OR3A2: variants seen among roughly 807,000 people sequenced by gnomAD.
OR3A2 encodes olfactory receptor family 3 subfamily A member 2, also known as olfactory receptor 3A2.
For missense variants in OR3A2, 318 were observed against 392.8 expected (o/e 0.81, Z 1.61); for synonymous variants, 126 against 159.3 (o/e 0.79, Z 1.57).
At chr17:3,382,639 G>A (rs2049747629) in intron 2 of OR3A2, among the ~76,000 whole-genome samples, 1 of 152,162 alleles carries the variant, frequency 6.6e-6, no homozygotes, top group African/African-American at 2.4e-5. Flanking sequence ...GGGAGGAAGA[G>A]GCCACATTTT....
chr17:3,338,453 G>A (rs1296678313), intron 2 of OR3A2, among the ~76,000 whole-genome samples: 7 of 152,158 alleles, frequency 4.6e-5, no homozygotes, highest in Admixed American at 3.9e-4. Context: ...TTTGTATAAA[G>A]TGTAAGGAAG....
rs770247541 is a variant in OR3A2 at position 3,292,358 on chromosome 17, C to T, written c.-84-13205G>A. The T allele has an allele frequency of 5.0e-6, 8 of 1,614,094 alleles. No individual in the cohort carries two copies. The South Asian group carries it at 8.8e-5, about 18-fold the overall frequency. ...TTGATGGAACAGTGACGCTGATGCA[C>T]CCAACATCCAGCACTGATAGGTTCC... On this transcript the variant is annotated intron_variant, in intron 3 of 4. Coordinates refer to the OR3A2 transcript ENST00000573491.
rs201439962 is a variant in OR3A2 at position 3,367,599 on chromosome 17, G to GTATA, written c.-179+16204_-179+16205insTATA. ...GGTGTATATGTATATGTGTGTGTGT[G>GTATA]TGTATATATATATATATATATATGC... On this transcript the variant is annotated intron_variant, in intron 2 of 4. Coordinates refer to the OR3A2 transcript ENST00000573491. 0.015 allele frequency among the ~76,000 whole-genome samples: 1,289 copies of GTATA among 85,910 alleles called. 36 individuals carry two copies. In the East Asian group the frequency reaches 0.15, roughly 10 times the overall value. 56.4% of individuals were successfully genotyped at this position (85,910 alleles called of 152,430 possible).
At chr17:3,343,105 C>T (rs1045922980) in intron 2 of OR3A2, among the ~76,000 whole-genome samples, 1 of 152,224 alleles carries the variant, frequency 6.6e-6, no homozygotes, top group Admixed American at 6.5e-5. Flanking sequence ...TTGCTAAGAC[C>T]TCTGGAAAAG....
chr17:3,375,885 C>T (rs1043421200), intron 2 of OR3A2, among the ~76,000 whole-genome samples: 1 of 152,116 alleles, frequency 6.6e-6, no homozygotes, highest in Non-Finnish European at 1.5e-5. Flanking sequence ...GTCTAGCCAC[C>T]CAGCAGGGAT....
At chr17:3,326,729 C>G (rs1418976741) in intron 3 of OR3A2, among the ~76,000 whole-genome samples, 17 of 128,926 alleles carry the variant, frequency 1.3e-4, no homozygotes, top group East Asian at 2.6e-4. Flanking sequence ...ACAGTCCCCA[C>G]AGTGTGATAT....
rs981878239 is a variant in OR3A2 at position 3,361,447 on chromosome 17, C to G, written c.-179+22357G>C. On this transcript the variant is annotated intron_variant, in intron 2 of 4. Coordinates refer to the OR3A2 transcript ENST00000573491. ...ATTGCCCTGGCCAGAACTTCCAACACTATGTTGAATAGGAGTGGTGAGAGA... is the reference window on the plus strand; with the variant it reads ...ATTGCCCTGGCCAGAACTTCCAACAGTATGTTGAATAGGAGTGGTGAGAGA... Among the ~76,000 whole-genome samples, 5 of 151,622 alleles carry G rather than the reference C, an allele frequency of 3.3e-5. 1 individual carries two copies. Among genetic ancestry groups the G allele is most frequent in the African/African-American group, 1.2e-4 (5 of 40,930 alleles).
At position 3,347,902 on chromosome 17, in the gene OR3A2, A is replaced by T. The variant is rs565358398; in HGVS notation, c.-178-11776T>A. Reference sequence around the variant, plus strand: ...CCTATTTCTCCACATCCTCTCCAGCACCTATTGCTTCCTGACTTTTTAATG... The same window carrying T: ...CCTATTTCTCCACATCCTCTCCAGCTCCTATTGCTTCCTGACTTTTTAATG... On this transcript the variant is annotated intron_variant, in intron 2 of 4. Transcript: ENST00000573491. Among the ~76,000 whole-genome samples the T allele has an allele frequency of 2.0e-5, 3 of 152,236 alleles. No individual in the cohort carries two copies. The East Asian group carries it at 5.8e-4, about 29-fold the overall frequency.
At chr17:3,378,258 T>G (rs1193153631) in intron 2 of OR3A2, among the ~76,000 whole-genome samples, 1 of 152,098 alleles carries the variant, frequency 6.6e-6, no homozygotes, top group Non-Finnish European at 1.5e-5. Context: ...CTCCCCAGAC[T>G]CCCCTCCCAC....
At chr17:3,374,235 C>A (rs1479712882) in intron 2 of OR3A2, among the ~76,000 whole-genome samples, 1 of 152,150 alleles carries the variant, frequency 6.6e-6, no homozygotes, top group Non-Finnish European at 1.5e-5. Context: ...AAGATTTGTT[C>A]CTTCACCTTA....
At chr17:3,369,023 T>G (rs374236801) in intron 2 of OR3A2, among the ~76,000 whole-genome samples, 35 of 152,350 alleles carry the variant, frequency 2.3e-4, no homozygotes, top group African/African-American at 8.2e-4. Flanking sequence ...GAGTTCTTGA[T>G]TTGATTCTCA....
intron 2 of OR3A2, among the ~76,000 whole-genome samples, chr17:3,338,640 T>G (rs1447894369): frequency 4.6e-5 from 7 of 152,200 alleles, no homozygotes; most frequent in Non-Finnish European, 1.0e-4. Context: ...ATCTTTGTTT[T>G]GGTACCAGTA....
intron 2 of OR3A2, among the ~76,000 whole-genome samples, chr17:3,350,410 C>T (rs371766338): frequency 1.3e-4 from 19 of 149,376 alleles, no homozygotes; most frequent in South Asian, 2.1e-4. Context: ...AACACCTCTA[C>T]GCAAATAAAC....
chr17:3,358,592 T>G (rs1231033950), intron 2 of OR3A2, among the ~76,000 whole-genome samples: 2 of 151,784 alleles, frequency 1.3e-5, no homozygotes, highest in Non-Finnish European at 2.9e-5. Context: ...TGGTTTTGAG[T>G]GATTTTAATA....
At chr17:3,360,303 G>C (rs1597357761) in intron 2 of OR3A2, among the ~76,000 whole-genome samples, 1 of 151,656 alleles carries the variant, frequency 6.6e-6, no homozygotes, top group Non-Finnish European at 1.5e-5. Flanking sequence ...GTTCTTTGTG[G>C]ATTCTGGATA....
At chr17:3,331,807 C>T (rs2049237251) in intron 3 of OR3A2, among the ~76,000 whole-genome samples, 1 of 151,882 alleles carries the variant, frequency 6.6e-6, no homozygotes, top group South Asian at 2.1e-4. Context: ...TTTAGAGTTT[C>T]CAGTTTTTCT....
exon 2 of OR3A2, chr17:3,278,195 G>T (rs774468715): frequency 1.2e-6 from 2 of 1,614,118 alleles, no homozygotes; most frequent in African/African-American, 2.7e-5. Context: ...CACACGTGGA[G>T]AAGGCCTTCT....
rs192897996 is a variant in OR3A2, at chr17:3,283,042, C to A, written c.-7+1316G>T. Among the ~76,000 whole-genome samples the A allele has an allele frequency of 2.9e-4, 44 of 152,298 alleles. No individual in the cohort carries two copies. In the East Asian group the frequency reaches 6.9e-3, roughly 24 times the overall value. Reference sequence around the variant, plus strand: ...CTTCTGTCTCTTTCTCTCTCTCTCTCTCTCCTCACCCCCTAAACTATCAAT... The same window carrying A: ...CTTCTGTCTCTTTCTCTCTCTCTCTATCTCCTCACCCCCTAAACTATCAAT... On this transcript the variant is annotated intron_variant, in intron 1 of 1. Transcript: ENST00000642052.
At chr17:3,277,852 A>G (rs367781438) in exon 2 of OR3A2, 17 of 1,073,660 alleles carry the variant, frequency 1.6e-5, no homozygotes, top group African/African-American at 1.3e-4. Flanking sequence ...TGTAACACCG[A>G]TCTTCAAGCA....
Sources: allele counts gnomAD v4.1 joint callset (sites outside exome capture counted in the v4.1 genomes callset), GRCh38; gene constraint gnomAD v4.1.1; transcripts MANE v1.5; gene names NCBI Gene and HGNC (gene_info 2026-07-23, HGNC 2026-07-21).